Variants in CUX1 observed in about 807,000 individuals in gnomAD.
CUX1 encodes the protein cut like homeobox 1.
CUX1 carries 31 observed loss-of-function variants against 158.8 expected under a neutral mutation model. That is an observed-to-expected ratio of 0.20 (90% CI 0.15 to 0.26). The LOEUF (loss-of-function observed/expected upper bound fraction) is 0.26. Among genes scored for constraint, CUX1 ranks in the 10% least tolerant of loss-of-function variants. The pLI, the probability that CUX1 is intolerant of heterozygous loss-of-function variation, is 1.00. For synonymous variants in CUX1, 879 were observed against 862.1 expected (o/e 1.02, Z -0.34); for missense variants, 1,589 against 2,014.6 (o/e 0.79, Z 4.04).
At chr7:101,870,931 C>T (rs919073126) in intron 1 of CUX1, among the ~76,000 whole-genome samples, 4 of 152,206 alleles carry the variant, frequency 2.6e-5, no homozygotes, top group African/African-American at 7.2e-5. Context: ...ATGTCAGTTT[C>T]GTAACTATCT....
intron 4 of CUX1, among the ~76,000 whole-genome samples, chr7:102,071,924 G>C (rs1033551491): frequency 6.6e-6 from 1 of 152,206 alleles, no homozygotes; most frequent in Non-Finnish European, 1.5e-5. Flanking sequence ...TGCTGTCTTA[G>C]GAGCTTATCT....
chr7:102,131,342 G>A (rs1186444557), intron 8 of CUX1, among the ~76,000 whole-genome samples: 1 of 151,962 alleles, frequency 6.6e-6, no homozygotes, highest in Non-Finnish European at 1.5e-5. Context: ...TCAAAACTAA[G>A]AAAAAGTTGT....
At chr7:101,938,005 G>C (rs934635243) in intron 2 of CUX1, among the ~76,000 whole-genome samples, 2 of 152,158 alleles carry the variant, frequency 1.3e-5, no homozygotes, top group African/African-American at 4.8e-5. Flanking sequence ...GCCAGGAGAA[G>C]GGTGAATAAT....
intron 23 of CUX1, among the ~76,000 whole-genome samples, chr7:102,242,722 C>A (rs570743908): frequency 1.3e-5 from 2 of 152,276 alleles, no homozygotes; most frequent in African/African-American, 4.8e-5. Flanking sequence ...TTCCCAAGTC[C>A]CCCAACAGGC....
chr7:102,070,247 G>T, intron 3 of CUX1, 92 bp from the exon 4 acceptor site: 2 of 1,078,790 alleles, frequency 1.9e-6, no homozygotes, highest in African/African-American at 1.6e-5. Flanking sequence ...CCCTTGCTAC[G>T]GGAATTCACT....
intron 5 of CUX1, among the ~76,000 whole-genome samples, chr7:102,102,155 C>A (rs902597884): frequency 6.6e-6 from 1 of 152,080 alleles, no homozygotes; most frequent in African/African-American, 2.4e-5. Flanking sequence ...GAAAGTTGCC[C>A]AGTCCCCTCT....
chr7:101,856,206 A>AAAAG (rs1554395823), intron 1 of CUX1, among the ~76,000 whole-genome samples: 3 of 146,418 alleles, frequency 2.0e-5, no homozygotes, highest in African/African-American at 8.0e-5. Context: ...AAAAAAAAAA[A>AAAAG]GGAAACAAGA....
At chr7:102,001,573 A>C (rs1019575280) in intron 2 of CUX1, among the ~76,000 whole-genome samples, 2 of 152,088 alleles carry the variant, frequency 1.3e-5, no homozygotes, top group African/African-American at 4.8e-5. Context: ...CGAACTCCTG[A>C]CCTCAGGTGA....
chr7:102,252,473 A>G lies in CUX1; in HGVS notation c.*3431A>G. On this transcript the variant is annotated 3_prime_UTR_variant, in exon 24 of 24. Transcript: ENST00000292535. ...AAACGGTTCCATATAAAACACTAAC[A>G]CTTAATTACAAGCTCCATTATGCCA... 1.0e-6 allele frequency: 1 copy of G among 985,374 alleles called. No homozygotes were observed. Among genetic ancestry groups the G allele is most frequent in the Non-Finnish European group, 1.2e-6 (1 of 829,910 alleles). The allele number at this position is 985,374 out of a possible 1,614,324, so 61.0% of individuals were successfully genotyped here.
Position 102,201,642 on chromosome 7 carries a change from C to T in CUX1, c.2345C>T (p.Pro782Leu). The T allele has an allele frequency of 6.8e-6, 11 of 1,613,600 alleles. No homozygotes were observed. The highest frequency in any genetic ancestry group is 4.5e-5 in the East Asian group (2 of 44,872). ...GGTGCCTCTGCTCTGCCGAACCCCC[C>T]GGCCCTCAAAAAGGAGGCCCAGGAC... ...EAGASALPNP[P>L]ALKKEAQDAP... The change falls in exon 18 of 24, where the codon CCG becomes CTG. Residue 782 changes from proline (P) to leucine (L), a missense_variant. Transcript: ENST00000292535. This position sits in a 1 kb window ranked among gnomAD's most constrained non-coding sequence, Gnocchi z 5.0.
intron 3 of CUX1, 136 bp from the exon 4 acceptor site, chr7:102,070,203 C>G (rs1221840945): frequency 1.5e-6 from 1 of 688,462 alleles, no homozygotes; most frequent in East Asian, 2.7e-5. Context: ...CAGGCATTTC[C>G]TCTAAGAGGC....
At position 102,028,025 on chromosome 7, in the gene CUX1, G is replaced by A. The variant is rs531840329; in HGVS notation, c.142-73G>A. On this transcript the variant is annotated intron_variant, in intron 2 of 23. Transcript: ENST00000292535. Reference sequence around the variant, plus strand: ...GCACTGACTGCCACGCTGTTTTTAGGAGGCCTTAACCAATGTTTCCCTTCT... The same window carrying A: ...GCACTGACTGCCACGCTGTTTTTAGAAGGCCTTAACCAATGTTTCCCTTCT... 33 of 1,530,616 alleles carry A rather than the reference G, an allele frequency of 2.2e-5. No individual in the cohort carries two copies. In the East Asian group the frequency reaches 7.2e-4, roughly 33 times the overall value. The allele number at this position is 1,530,616 out of a possible 1,614,324, so 94.8% of individuals were successfully genotyped here.
chr7:101,830,673 T>C (rs1253902916), intron 1 of CUX1, among the ~76,000 whole-genome samples: 1 of 151,486 alleles, frequency 6.6e-6, no homozygotes, highest in Non-Finnish European at 1.5e-5. Context: ...GCCAGGCTGG[T>C]CTCAAACTCC....
chr7:102,162,783 T>G (rs781911713), intron 9 of CUX1, among the ~76,000 whole-genome samples: 12 of 152,270 alleles, frequency 7.9e-5, no homozygotes, highest in African/African-American at 1.2e-4. Flanking sequence ...CCCAAAGTTC[T>G]GGGGTTACAG....
Position 102,255,281 on chromosome 7 carries a change from A to G in CUX1, c.*6239A>G. 1.0e-6 allele frequency: 1 copy of G among 984,752 alleles called. No homozygotes were observed. The highest frequency in any genetic ancestry group is 4.7e-5 in the South Asian group (1 of 21,276). The allele number at this position is 984,752 out of a possible 1,614,324, so 61.0% of individuals were successfully genotyped here. On this transcript the variant is annotated 3_prime_UTR_variant, in exon 24 of 24. Transcript: ENST00000292535. ...ATCCGTGGCATCATCTCGAGTTTTC[A>G]TTTTTGGATGAAGTGACATTTAGCT...
At chr7:102,063,379 TTTTC>T (rs1825156381) in intron 3 of CUX1, among the ~76,000 whole-genome samples, 1 of 126,384 alleles carries the variant, frequency 7.9e-6, no homozygotes, top group Admixed American at 9.4e-5. Context: ...AAGTATTTCC[TTTTC>T]TTTTTTTTTT....
chr7:102,042,053 AGT>A (rs35975675), intron 3 of CUX1, among the ~76,000 whole-genome samples: 14 of 150,820 alleles, frequency 9.3e-5, no homozygotes, highest in Admixed American at 2.0e-4. Context: ...TGAGTGTGTG[AGT>A]GTGTGTGTGT....
intron 4 of CUX1, among the ~76,000 whole-genome samples, chr7:102,086,553 CTT>C (rs1467724709): frequency 3.3e-5 from 5 of 151,346 alleles, no homozygotes; most frequent in African/African-American, 4.8e-5. Flanking sequence ...CTTCAAGTCT[CTT>C]ATATCCATAT....
chr7:102,128,917 G>C (rs1329334790), intron 8 of CUX1, among the ~76,000 whole-genome samples: 3 of 151,978 alleles, frequency 2.0e-5, no homozygotes, highest in African/African-American at 7.3e-5. Context: ...GGTGGAGGTT[G>C]CAGTGAGCTG....
Sources: gnomAD v4.1 joint callset for allele counts (sites outside exome capture counted in the v4.1 genomes callset) on GRCh38, gnomAD v4.1.1 for gene constraint, Gnocchi (gnomAD v3.1) non-coding constraint, MANE v1.5 for transcripts, NCBI Gene and HGNC (gene_info 2026-07-23, HGNC 2026-07-21) for gene names.